ZFHX3: variants seen among roughly 807,000 people sequenced by gnomAD.
ZFHX3 encodes zinc finger homeobox protein 3.
In ZFHX3, 42 loss-of-function variants were observed where a neutral mutation model predicts 279.1. That is an observed-to-expected ratio of 0.15 (90% CI 0.12 to 0.19). The LOEUF is 0.19. ZFHX3 is among the 10% of genes least tolerant of loss of function. The pLI, the probability that ZFHX3 is intolerant of heterozygous loss-of-function variation, is 1.00. For synonymous variants in ZFHX3, 2,293 were observed against 1,957.8 expected (o/e 1.17, Z -4.52); for missense variants, 4,981 against 4,754.0 (o/e 1.05, Z -1.40).
At chr16:73,499,795 A>G (rs1381236492) in intron 2 of ZFHX3, 1 of 152,202 alleles carries the variant, frequency 6.6e-6, no homozygotes, top group African/African-American at 2.4e-5. Context: ...ACAACGTTTC[A>G]ATCAAGGAGG....
At chr16:73,077,465 G>A (rs533975228) in intron 8 of ZFHX3, among the ~76,000 whole-genome samples, 18 of 149,942 alleles carry the variant, frequency 1.2e-4, no homozygotes, top group East Asian at 7.8e-4. Context: ...GTCTTTCCAC[G>A]TTGTTAAAAA....
At chr16:73,416,758 C>G (rs2017592447) in intron 3 of ZFHX3, among the ~76,000 whole-genome samples, 2 of 146,360 alleles carry the variant, frequency 1.4e-5, no homozygotes, top group South Asian at 2.2e-4. Flanking sequence ...CCTGTAGTCC[C>G]AGCTACCAGG....
intron 1 of ZFHX3, among the ~76,000 whole-genome samples, chr16:73,053,792 G>C (rs577763434): frequency 1.3e-5 from 2 of 152,170 alleles, no homozygotes; most frequent in East Asian, 1.9e-4. Flanking sequence ...AGGCAAGGCG[G>C]GGGTAGGGAT....
chr16:73,836,163 G>T (rs1961139731), intron 1 of ZFHX3, among the ~76,000 whole-genome samples: 1 of 152,188 alleles, frequency 6.6e-6, no homozygotes, highest in African/African-American at 2.4e-5. Flanking sequence ...GTTGTCTTCA[G>T]TGTCCCCAGG....
chr16:73,453,917 A>G (rs2018325570), intron 3 of ZFHX3, among the ~76,000 whole-genome samples: 1 of 152,128 alleles, frequency 6.6e-6, no homozygotes, highest in African/African-American at 2.4e-5. Context: ...ATTACCTCCC[A>G]CCAGGTCCCT....
At chr16:73,715,860 C>G (rs1051420202) in intron 1 of ZFHX3, among the ~76,000 whole-genome samples, 7 of 152,112 alleles carry the variant, frequency 4.6e-5, no homozygotes, top group African/African-American at 1.7e-4. Flanking sequence ...GCATGAGCCA[C>G]TGTGCCTGGC....
intron 3 of ZFHX3, among the ~76,000 whole-genome samples, chr16:73,360,096 C>T (rs1489925589): frequency 6.6e-6 from 1 of 152,104 alleles, no homozygotes; most frequent in African/African-American, 2.4e-5. Flanking sequence ...GCATTAGATA[C>T]GTTAGCCAAA....
chr16:72,806,503 A>G (rs774133717), intron 7 of ZFHX3, among the ~76,000 whole-genome samples: 1 of 152,208 alleles, frequency 6.6e-6, no homozygotes, highest in African/African-American at 2.4e-5. Context: ...CCAAATGGCT[A>G]TCATCTCACA....
intron 5 of ZFHX3, among the ~76,000 whole-genome samples, chr16:73,157,116 T>C (rs1193963510): frequency 3.3e-5 from 5 of 152,102 alleles, no homozygotes; most frequent in African/African-American, 1.2e-4. Flanking sequence ...GCCTCTGAAG[T>C]CTAGCCACCC....
At chr16:73,254,606 C>G (rs2013608073) in intron 5 of ZFHX3, among the ~76,000 whole-genome samples, 1 of 151,962 alleles carries the variant, frequency 6.6e-6, no homozygotes. Flanking sequence ...CCAATGGCAG[C>G]ATCTTATATA....
chr16:73,068,929 G>A (rs191022810), intron 8 of ZFHX3, among the ~76,000 whole-genome samples: 6 of 152,298 alleles, frequency 3.9e-5, no homozygotes, highest in Non-Finnish European at 7.3e-5. Context: ...CCTGATGGTC[G>A]TCCACCAACT....
intron 3 of ZFHX3, among the ~76,000 whole-genome samples, chr16:73,425,551 C>T (rs1427802571): frequency 6.6e-6 from 1 of 152,098 alleles, no homozygotes; most frequent in Non-Finnish European, 1.5e-5. Context: ...AAAGTGAAAC[C>T]AGAGCCTAGG....
intron 7 of ZFHX3, among the ~76,000 whole-genome samples, chr16:73,097,312 C>T (rs1012140033): frequency 1.7e-4 from 25 of 148,986 alleles, no homozygotes; most frequent in Non-Finnish European, 2.7e-4. Flanking sequence ...AAGCAATCCT[C>T]CCCACTTGGC....
At chr16:73,804,790 A>T (rs921902654) in intron 1 of ZFHX3, among the ~76,000 whole-genome samples, 1 of 151,714 alleles carries the variant, frequency 6.6e-6, no homozygotes, top group African/African-American at 2.4e-5. Flanking sequence ...ATCACTGCAA[A>T]GTCATTATAG....
intron 2 of ZFHX3, among the ~76,000 whole-genome samples, chr16:73,565,218 C>T (rs1026805576): frequency 1.3e-5 from 2 of 151,588 alleles, no homozygotes; most frequent in East Asian, 3.9e-4. Flanking sequence ...AGTGCCATTT[C>T]ACTCTGGCCT....
chr16:73,447,819 T>C (rs2018213926), intron 3 of ZFHX3, among the ~76,000 whole-genome samples: 2 of 152,158 alleles, frequency 1.3e-5, no homozygotes, highest in East Asian at 1.9e-4. Flanking sequence ...AATAACAGCA[T>C]GAAGGGAACT....
chr16:73,674,176 T>C (rs1340290397), intron 2 of ZFHX3, among the ~76,000 whole-genome samples: 1 of 152,190 alleles, frequency 6.6e-6, no homozygotes, highest in Non-Finnish European at 1.5e-5. Flanking sequence ...ATGAATATTC[T>C]TAAATAGTTT....
chr16:73,580,062 T>C (rs930086518), intron 2 of ZFHX3, among the ~76,000 whole-genome samples: 1 of 150,658 alleles, frequency 6.6e-6, no homozygotes, highest in East Asian at 1.9e-4. Context: ...GTTATAAATA[T>C]TAAATGAAAG....
intron 5 of ZFHX3, among the ~76,000 whole-genome samples, chr16:73,211,558 A>T (rs566844663): frequency 6.6e-6 from 1 of 152,306 alleles, no homozygotes; most frequent in East Asian, 1.9e-4. Context: ...ATCCTGCTAG[A>T]TACCAGTGAG....
Sources: gnomAD v4.1 joint callset for allele counts (sites outside exome capture counted in the v4.1 genomes callset) on GRCh38, gnomAD v4.1.1 for gene constraint, MANE v1.5 for transcripts, NCBI Gene and HGNC (gene_info 2026-07-23, HGNC 2026-07-21) for gene names.